COX7B2: variants seen among roughly 807,000 people sequenced by gnomAD.
COX7B2 encodes the protein cytochrome c oxidase subunit 7B2, also known as cytochrome c oxidase subunit 7B2, mitochondrial.
For synonymous variants in COX7B2, 37 were observed against 32.1 expected (o/e 1.15, Z -0.51); for missense variants, 109 against 95.9 (o/e 1.14, Z -0.57).
intron 2 of COX7B2, among the ~76,000 whole-genome samples, chr4:46,828,319 A>G (rs1714832514): frequency 6.6e-6 from 1 of 152,194 alleles, no homozygotes; most frequent in Admixed American, 6.5e-5. Context: ...CAAAAGCTTC[A>G]CATATGAAAA....
chr4:46,861,727 G>A (rs1219957211), intron 1 of COX7B2, among the ~76,000 whole-genome samples: 2 of 152,200 alleles, frequency 1.3e-5, no homozygotes, highest in Non-Finnish European at 2.9e-5. Flanking sequence ...GACTTAAGCG[G>A]TGGTTGTAGA....
intron 2 of COX7B2, among the ~76,000 whole-genome samples, chr4:46,828,646 G>A (rs1479937604): frequency 6.6e-6 from 1 of 152,086 alleles, no homozygotes; most frequent in African/African-American, 2.4e-5. Flanking sequence ...GAAGAAAAGT[G>A]CACATAGAGT....
intron 2 of COX7B2, among the ~76,000 whole-genome samples, chr4:46,770,920 A>AT (rs1318472950): frequency 6.6e-6 from 1 of 152,124 alleles, no homozygotes; most frequent in Non-Finnish European, 1.5e-5. Context: ...TGAGACAGTA[A>AT]TTTTTTTATA....
At chr4:46,788,225 C>A (rs1717853440) in intron 2 of COX7B2, among the ~76,000 whole-genome samples, 2 of 152,016 alleles carry the variant, frequency 1.3e-5, no homozygotes, top group South Asian at 4.1e-4. Flanking sequence ...TATATTCAGT[C>A]CCATTATATT....
At chr4:46,747,741 A>G (rs1715110591) in intron 2 of COX7B2, among the ~76,000 whole-genome samples, 1 of 152,194 alleles carries the variant, frequency 6.6e-6, no homozygotes, top group African/African-American at 2.4e-5. Context: ...ATTCCTAATG[A>G]CAGCATATAT....
intron 1 of COX7B2, among the ~76,000 whole-genome samples, chr4:46,861,009 G>A (rs532198873): frequency 6.6e-6 from 1 of 152,258 alleles, no homozygotes; most frequent in Admixed American, 6.5e-5. Context: ...GGTCCTGTTG[G>A]CTACCCTCAG....
chr4:46,815,167 C>T (rs1396804564), intron 2 of COX7B2, among the ~76,000 whole-genome samples: 1 of 147,846 alleles, frequency 6.8e-6, no homozygotes, highest in African/African-American at 2.5e-5. Flanking sequence ...CAGATCGAGA[C>T]TCTGTCTCAA....
intron 2 of COX7B2, among the ~76,000 whole-genome samples, chr4:46,840,546 T>A (rs1425809650): frequency 6.6e-6 from 1 of 152,002 alleles, no homozygotes; most frequent in African/African-American, 2.4e-5. Flanking sequence ...TGCTTCCCCA[T>A]CCTGCCCACT....
intron 1 of COX7B2, among the ~76,000 whole-genome samples, chr4:46,851,562 T>A (rs1716688096): frequency 6.6e-6 from 1 of 152,118 alleles, no homozygotes; most frequent in Admixed American, 6.6e-5. Context: ...CTCTAGACTT[T>A]ACTTGATAGT....
intron 2 of COX7B2, among the ~76,000 whole-genome samples, chr4:46,799,311 A>G (rs946732233): frequency 6.6e-6 from 1 of 152,062 alleles, no homozygotes; most frequent in Non-Finnish European, 1.5e-5. Flanking sequence ...CTGTGAAGAG[A>G]GATAGTTTGA....
chr4:46,826,145 G>A (rs1006505736), intron 2 of COX7B2, among the ~76,000 whole-genome samples: 11 of 151,712 alleles, frequency 7.3e-5, no homozygotes, highest in South Asian at 2.1e-4. Flanking sequence ...AGTCTAACAC[G>A]CAGCATCTAT....
chr4:46,849,442 C>T (rs1457343735), intron 1 of COX7B2, among the ~76,000 whole-genome samples: 1 of 152,034 alleles, frequency 6.6e-6, no homozygotes, highest in East Asian at 1.9e-4. Context: ...AATGTAGACT[C>T]CTCCACAGCA....
At chr4:46,736,128 T>C (rs1433231810) in intron 2 of COX7B2, among the ~76,000 whole-genome samples, 3 of 152,210 alleles carry the variant, frequency 2.0e-5, no homozygotes, top group African/African-American at 7.2e-5. Context: ...TTTAGTATCA[T>C]ACAGAATAGT....
chr4:46,748,161 C>G (rs539743059), intron 2 of COX7B2, among the ~76,000 whole-genome samples: 20 of 152,278 alleles, frequency 1.3e-4, no homozygotes, highest in Admixed American at 3.3e-4. Context: ...TTCATAAGCA[C>G]ATGCTTCATC....
chr4:46,893,662 C>A (rs923029721), intron 1 of COX7B2, among the ~76,000 whole-genome samples: 1 of 151,958 alleles, frequency 6.6e-6, no homozygotes, highest in African/African-American at 2.4e-5. Flanking sequence ...TGGATAAAGT[C>A]AAAAAATGTG....
At chr4:46,908,625 T>G (rs149940049) in intron 1 of COX7B2, among the ~76,000 whole-genome samples, 1 of 152,126 alleles carries the variant, frequency 6.6e-6, no homozygotes, top group African/African-American at 2.4e-5. Flanking sequence ...TCCTTTCCTT[T>G]TAATTTTCCT....
chr4:46,766,706 G>GAAAAAAAA (rs57884969), intron 2 of COX7B2, among the ~76,000 whole-genome samples: 2 of 96,590 alleles, frequency 2.1e-5, no homozygotes, highest in Admixed American at 1.0e-4. Context: ...GTCTCGAAAA[G>GAAAAAAAA]AAAAAAAAAA....
intron 2 of COX7B2, among the ~76,000 whole-genome samples, chr4:46,825,468 A>G (rs1345498695): frequency 6.6e-6 from 1 of 152,212 alleles, no homozygotes; most frequent in Non-Finnish European, 1.5e-5. Flanking sequence ...AAAGCAATTT[A>G]CAGATTTAAT....
chr4:46,831,819 G>T (rs1715131031), intron 2 of COX7B2, among the ~76,000 whole-genome samples: 1 of 151,856 alleles, frequency 6.6e-6, no homozygotes, highest in South Asian at 2.1e-4. Context: ...TCTGCGCTCT[G>T]TGTCTAGCTG....
Sources: allele counts gnomAD v4.1 joint callset (sites outside exome capture counted in the v4.1 genomes callset), GRCh38; gene constraint gnomAD v4.1.1; transcripts MANE v1.5; gene names NCBI Gene and HGNC (gene_info 2026-07-23, HGNC 2026-07-21).